TECPR1: variants seen among roughly 807,000 people sequenced by gnomAD.
The protein encoded by TECPR1 is tectonin beta-propeller repeat containing 1, also known as tectonin beta-propeller repeat-containing protein 1.
Under a neutral mutation model 162.4 loss-of-function variants are expected in TECPR1, and 122 were observed. The observed-to-expected ratio is 0.75, with a 90% CI of 0.65 to 0.87. The LOEUF (loss-of-function observed/expected upper bound fraction) is 0.87, where lower values mean the gene tolerates loss of function less well. Ranked by LOEUF, TECPR1 falls within the 40% of genes least tolerant of loss-of-function variation. The probability of loss-of-function intolerance (pLI) is 0.00; values close to 1 mark genes in which losing one functional copy is unlikely to be tolerated. For synonymous variants in TECPR1, 642 were observed against 670.6 expected, an observed-to-expected ratio of 0.96 and a Z score of 0.66; for missense variants, 1,432 against 1,618.2, an observed-to-expected ratio of 0.88 and a Z score of 1.97.
chr7:98,240,909 C>G lies in TECPR1; in HGVS notation c.875G>C (p.Gly292Ala). Residue 292 changes from glycine (G) to alanine (A), a missense_variant, in exon 8 of 26, where the codon GGG (glycine) becomes GCG (alanine). Coordinates refer to ENST00000447648, the MANE Select transcript of TECPR1 (RefSeq NM_015395.3). ...GACTCCCACCGAGATGTGCATGACC[C>G]CGTTTTCAGATCCAGGAGGCTCCAC... The part of the protein sequence containing the change: ...SIVEPPGSEN[G>A]VMHISVGVSV... 6.2e-7 allele frequency: 1 copy of G among 1,609,782 alleles called. No homozygotes were observed. The highest frequency in any genetic ancestry group is 1.1e-5 in the South Asian group (1 of 89,810).
chr7:98,217,853 T>G, intron 24 of TECPR1, 42 bp from the exon 25 acceptor site: 1 of 1,541,470 alleles, frequency 6.5e-7, no homozygotes. Flanking sequence ...CTACCTGCAG[T>G]GGGACGGCTG....
chr7:98,231,885 C>G lies in TECPR1; in HGVS notation c.1893G>C (p.Leu631Phe), dbSNP rs1421971430. The G allele has an allele frequency of 6.2e-7, 1 of 1,612,170 alleles. No homozygotes were observed. Among genetic ancestry groups the G allele is most frequent in the African/African-American group, 1.3e-5 (1 of 74,918 alleles). ...WKPHKWVDVRLALEQFTGHDG... is the reference protein window; with the variant it reads ...WKPHKWVDVRFALEQFTGHDG... ...CGTGCCCCGTGAACTGCTCCAGGGCCAAGCGCACGTCCACCCACTTGTGGG... is the reference window on the plus strand; with the variant it reads ...CGTGCCCCGTGAACTGCTCCAGGGCGAAGCGCACGTCCACCCACTTGTGGG... Residue 631 changes from leucine (L) to phenylalanine (F), a missense_variant, in exon 13 of 26, where the codon TTG (leucine) becomes TTC (phenylalanine). Coordinates refer to ENST00000447648, the MANE Select transcript of TECPR1 (RefSeq NM_015395.3).
At chr7:98,221,787 T>C (rs769919267) in intron 22 of TECPR1, 34 bp from the exon 23 acceptor site, 24 of 1,587,352 alleles carry the variant, frequency 1.5e-5, no homozygotes, top group South Asian at 1.3e-4. Context: ...GCACGCTGCC[T>C]TCTCCTCCTT....
chr7:98,243,715 T>G (rs1798829053), intron 5 of TECPR1, 123 bp from the exon 6 acceptor site: 1 of 1,293,718 alleles, frequency 7.7e-7, no homozygotes, highest in Non-Finnish European at 1.0e-6. Context: ...GCTGCCTTAA[T>G]TCACAGGGAA....
At chr7:98,227,908 C>G (rs1798319915) in intron 17 of TECPR1, 106 bp downstream of exon 17, 1 of 848,586 alleles carries the variant, frequency 1.2e-6, no homozygotes, top group Non-Finnish European at 1.9e-6. Context: ...CGGCCTGACA[C>G]CAGGCTCTAC....
In TECPR1 at chr7:98,240,884, G is replaced by A; in HGVS notation, c.900C>T (p.Val300=). ...ENGVMHISVG[V]SVVWAVTKDW... The stretch of plus-strand genomic sequence containing the variant: ...CCTTGGTGACAGCCCAGACCACGCT[G>A]ACTCCCACCGAGATGTGCATGACCC... The change falls in exon 8 of 26, where the codon GTC becomes GTT. Residue 300 remains valine, a synonymous_variant. Coordinates refer to ENST00000447648, the MANE Select transcript of TECPR1 (RefSeq NM_015395.3). 1 of 1,604,564 alleles carries A rather than the reference G, an allele frequency of 6.2e-7. No homozygotes were observed. The highest frequency in any genetic ancestry group is 8.5e-7 in the Non-Finnish European group (1 of 1,177,516).
chr7:98,247,165 C>T (rs1798932086), intron 2 of TECPR1, among the ~76,000 whole-genome samples: 1 of 151,714 alleles, frequency 6.6e-6, no homozygotes, highest in Non-Finnish European at 1.5e-5. Context: ...AAAGTAGAGA[C>T]AGGGTCTTGC....
At position 98,238,500 on chromosome 7, in the gene TECPR1, C is replaced by T. The variant is rs752627420; in HGVS notation, c.1035+9G>A. On this transcript the variant is annotated intron_variant, in intron 9 of 25. Coordinates refer to ENST00000447648, the MANE Select transcript of TECPR1 (RefSeq NM_015395.3). The stretch of plus-strand genomic sequence containing the variant: ...CTGCTGTTTAGGGGCTGCAGACCCA[C>T]GTGCACACCTGGTCGTTCATTCCCA... The T allele has an allele frequency of 1.8e-5, 28 of 1,555,194 alleles. No individual in the cohort carries two copies. The highest frequency in any genetic ancestry group is 1.5e-4 in the African/African-American group (11 of 73,206).
chr7:98,234,836 A>T (rs1192832432), intron 10 of TECPR1, among the ~76,000 whole-genome samples: 1 of 149,908 alleles, frequency 6.7e-6, no homozygotes, highest in Non-Finnish European at 1.5e-5. Flanking sequence ...TCTGCCTTGT[A>T]AGTAGCTAGG....
chr7:98,233,671 C>A lies in TECPR1; in HGVS notation c.1422G>T (p.Thr474=), dbSNP rs35887957. The change falls in exon 11 of 26, where the codon ACG becomes ACT. Residue 474 remains threonine, a synonymous_variant. Transcript: ENST00000447648. Reference sequence around the variant, plus strand: ...CCGGGGTGGGGGCCGGGCCGGGGTGCGTGTTGGGTCTGGCCTCCCTGCTGC... The same window carrying A: ...CCGGGGTGGGGGCCGGGCCGGGGTGAGTGTTGGGTCTGGCCTCCCTGCTGC... ...AEGSREARPN[T]HPGPAPTPAE... The A allele has an allele frequency of 1.2e-6, 2 of 1,601,348 alleles. No individual in the cohort carries two copies.
chr7:98,226,139 G>T (rs1356061405), intron 17 of TECPR1, among the ~76,000 whole-genome samples: 1 of 152,178 alleles, frequency 6.6e-6, no homozygotes, highest in Non-Finnish European at 1.5e-5. Flanking sequence ...GCCCTGCCCT[G>T]CCCTGTCCTC....
At position 98,234,177 on chromosome 7, in the gene TECPR1, C is replaced by T. The variant is rs1462932803; in HGVS notation, c.1182-266G>A. 4.6e-5 allele frequency among the ~76,000 whole-genome samples: 7 copies of T among 152,166 alleles called. No homozygotes were observed. The East Asian group carries it at 1.2e-3, about 25-fold the overall frequency. ...ATTAGTATTTCTTCTTTTTTTGAGA[C>T]GGAGTCTCACTGTCATCCAGGCTGG... On this transcript the variant is annotated intron_variant, in intron 10 of 25. Coordinates refer to ENST00000447648, the MANE Select transcript of TECPR1 (RefSeq NM_015395.3).
At chr7:98,223,406 C>G (rs560438972) in intron 20 of TECPR1, among the ~76,000 whole-genome samples, 1 of 150,568 alleles carries the variant, frequency 6.6e-6, no homozygotes. Flanking sequence ...TGGAGTGTGC[C>G]AGTGACATTT....
chr7:98,230,108 C>T (rs1396574150), intron 15 of TECPR1, among the ~76,000 whole-genome samples: 1 of 151,950 alleles, frequency 6.6e-6, no homozygotes, highest in Non-Finnish European at 1.5e-5. Flanking sequence ...GTGATCTTCC[C>T]ACCTCAGCCC....
rs73709453 is a variant in TECPR1, at chr7:98,249,509, A to G, written c.-20+1885T>C. ...GTGACCCCTTCGTGCCTCACTGATC[A>G]GGACTGAGGGTCCCTCTGGCACCTT... On this transcript the variant is annotated intron_variant, in intron 2 of 25. Transcript: ENST00000447648. Among the ~76,000 whole-genome samples the G allele has an allele frequency of 2.1e-3, 321 of 152,322 alleles. 3 individuals carry two copies. Among genetic ancestry groups the G allele is most frequent in the African/African-American group, 7.3e-3 (302 of 41,584 alleles).
At chr7:98,248,701 G>T (rs1029256995) in intron 2 of TECPR1, among the ~76,000 whole-genome samples, 1 of 151,694 alleles carries the variant, frequency 6.6e-6, no homozygotes, top group African/African-American at 2.4e-5. Flanking sequence ...GTGAAAATTA[G>T]CCAGGCACAG....
At chr7:98,230,923 C>A in intron 15 of TECPR1, 38 bp downstream of exon 15, 1 of 1,588,920 alleles carries the variant, frequency 6.3e-7, no homozygotes. Context: ...CGGGGTGAGG[C>A]CAGGCCCCAG....
At position 98,221,710 on chromosome 7, in the gene TECPR1, C is replaced by T. The variant is rs1193437348; in HGVS notation, c.3108G>A (p.Leu1036=). 1 of 1,613,516 alleles carries T rather than the reference C, an allele frequency of 6.2e-7. No homozygotes were observed. Among genetic ancestry groups the T allele is most frequent in the Non-Finnish European group, 8.5e-7 (1 of 1,179,882 alleles). Reference sequence around the variant, plus strand: ...ACGTCTGCCCCGCGGACACCTGCTTCAGCCTCTGTCTCGGTGGGGACGGGA... The same window carrying T: ...ACGTCTGCCCCGCGGACACCTGCTTTAGCCTCTGTCTCGGTGGGGACGGGA... ...YHIPSPPRQR[L]KQVSAGQTSV... Residue 1036 remains leucine (L), a synonymous_variant, in exon 23 of 26, where the codon CTG becomes CTA. Coordinates refer to ENST00000447648, the MANE Select transcript of TECPR1 (RefSeq NM_015395.3).
At chr7:98,244,378 G>A (rs1798844997) in intron 5 of TECPR1, among the ~76,000 whole-genome samples, 193 bp downstream of exon 5, 1 of 152,240 alleles carries the variant, frequency 6.6e-6, no homozygotes, top group African/African-American at 2.4e-5. Context: ...CTGGCTCCCT[G>A]TGTGACTATC....
Sources: allele counts gnomAD v4.1 joint callset (sites outside exome capture counted in the v4.1 genomes callset), GRCh38; gene constraint gnomAD v4.1.1; transcripts MANE v1.5; gene names NCBI Gene and HGNC (gene_info 2026-07-23, HGNC 2026-07-21).